Variants in ZDHHC21 observed in about 807,000 individuals in gnomAD.
ZDHHC21 encodes the protein palmitoyltransferase ZDHHC21.
In ZDHHC21, 15 loss-of-function variants were observed where a neutral mutation model predicts 34.6. The ratio of observed to expected loss-of-function variants is 0.43; its 90% CI spans 0.29 to 0.67. The LOEUF is 0.67. ZDHHC21 is among the 30% of genes least tolerant of loss of function. The probability of loss-of-function intolerance (pLI) is 0.14; values close to 1 mark genes in which losing one functional copy is unlikely to be tolerated. For synonymous variants in ZDHHC21, 142 were observed against 101.8 expected, an observed-to-expected ratio of 1.40 and a Z score of -2.38; for missense variants, 344 against 327.7, an observed-to-expected ratio of 1.05 and a Z score of -0.38.
chr9:14,664,412 G>C (rs1309574785), intron 5 of ZDHHC21, among the ~76,000 whole-genome samples: 2 of 150,520 alleles, frequency 1.3e-5, no homozygotes, highest in African/African-American at 4.9e-5. Context: ...CAAACTGCAA[G>C]GCGGCAGCCA....
the ZDHHC21 span, among the ~76,000 whole-genome samples, chr9:14,592,769 A>G: frequency 0.031 from 4,670 of 152,270 alleles, 134 homozygotes; most frequent in African/African-American, 0.073. Flanking sequence ...ATGCTAATCC[A>G]TAAAATAAAT....
At chr9:14,621,128 TA>T (rs1428259643) in intron 8 of ZDHHC21, among the ~76,000 whole-genome samples, 1 of 151,964 alleles carries the variant, frequency 6.6e-6, no homozygotes, top group African/African-American at 2.4e-5. Flanking sequence ...CCAAAGCAAT[TA>T]AAACAACTTA....
chr9:14,609,025 C>G (rs1270299951), downstream of ZDHHC21, among the ~76,000 whole-genome samples: 1 of 152,094 alleles, frequency 6.6e-6, no homozygotes, highest in African/African-American at 2.4e-5. Flanking sequence ...TCTCACTTAT[C>G]AGAGTCAATG....
At chr9:14,608,041 G>T (rs1823072484), downstream of ZDHHC21, among the ~76,000 whole-genome samples, 1 of 152,138 alleles carries the variant, frequency 6.6e-6, no homozygotes, top group South Asian at 2.1e-4. Flanking sequence ...CTCGCTAAAA[G>T]CCAGACATCA....
At chr9:14,670,478 C>T (rs2131494361) in intron 5 of ZDHHC21, among the ~76,000 whole-genome samples, 1 of 152,126 alleles carries the variant, frequency 6.6e-6, no homozygotes, top group South Asian at 2.1e-4. Context: ...GTTTGATGTA[C>T]CCATCATTTA....
Position 14,673,030 on chromosome 9 carries a change from C to T in ZDHHC21, c.155-102G>A, listed in dbSNP as rs959353644. 2.4e-5 allele frequency: 16 copies of T among 673,794 alleles called. No homozygotes were observed. In the Admixed American group the frequency reaches 4.7e-4, roughly 20 times the overall value. 41.7% of individuals were successfully genotyped at this position (673,794 alleles called of 1,614,324 possible). On this transcript the variant is annotated intron_variant, in intron 4 of 9. Coordinates refer to ENST00000380916, the MANE Select transcript of ZDHHC21 (RefSeq NM_178566.6). ...AAATGTATATTTTAACAAACACCAT[C>T]AGGAGAAAAAATTTCAAAAGATTAA...
chr9:14,647,801 G>C (rs1257227650), intron 7 of ZDHHC21, among the ~76,000 whole-genome samples: 1 of 152,024 alleles, frequency 6.6e-6, no homozygotes, highest in Non-Finnish European at 1.5e-5. Flanking sequence ...GCCTAGTTTG[G>C]TCTTCAGAAC....
At chr9:14,660,825 A>C (rs912731516) in intron 6 of ZDHHC21, among the ~76,000 whole-genome samples, 2 of 152,214 alleles carry the variant, frequency 1.3e-5, no homozygotes, top group African/African-American at 4.8e-5. Flanking sequence ...TTGAAAAAAA[A>C]AGCATCAATA....
chr9:14,589,694 A>G, the ZDHHC21 span: 1 of 152,222 alleles, frequency 6.6e-6, no homozygotes, highest in Non-Finnish European at 1.5e-5. Context: ...GAGACATTCA[A>G]ATTGAACACA....
intron 1 of ZDHHC21, among the ~76,000 whole-genome samples, chr9:14,692,492 T>G (rs1410911760): frequency 1.3e-5 from 2 of 152,160 alleles, no homozygotes; most frequent in Admixed American, 6.5e-5. Flanking sequence ...TGCAATATTT[T>G]AAAGTAATAA....
chr9:14,620,027 A>T (rs1825013918), intron 8 of ZDHHC21, among the ~76,000 whole-genome samples: 1 of 152,072 alleles, frequency 6.6e-6, no homozygotes, highest in Non-Finnish European at 1.5e-5. Context: ...GTCAGTGAAT[A>T]TGCATTAAAA....
the ZDHHC21 span, among the ~76,000 whole-genome samples, chr9:14,597,014 G>A: frequency 6.6e-6 from 1 of 152,136 alleles, no homozygotes; most frequent in Admixed American, 6.5e-5. Flanking sequence ...AGATCCCCCA[G>A]TACACTTTTC....
At chr9:14,591,871 T>G in the ZDHHC21 span, among the ~76,000 whole-genome samples, 1 of 152,160 alleles carries the variant, frequency 6.6e-6, no homozygotes, top group South Asian at 2.1e-4. Flanking sequence ...AAGGTAGCTA[T>G]TCTAGCTCTT....
intron 8 of ZDHHC21, chr9:14,622,773 G>T: frequency 4.1e-6 from 4 of 979,920 alleles, no homozygotes; most frequent in Non-Finnish European, 4.8e-6. Flanking sequence ...ATTGCCTCTG[G>T]ACCTGTTTAA....
chr9:14,687,430 G>C (rs1437009760), intron 2 of ZDHHC21, among the ~76,000 whole-genome samples: 2 of 150,780 alleles, frequency 1.3e-5, no homozygotes, highest in Non-Finnish European at 2.9e-5. Context: ...CAGCACTTTA[G>C]GAGGCCAAGG....
chr9:14,595,016 A>G, the ZDHHC21 span, among the ~76,000 whole-genome samples: 1 of 152,226 alleles, frequency 6.6e-6, no homozygotes, highest in African/African-American at 2.4e-5. Context: ...AATAAAAAAG[A>G]TAAGTTATTA....
chr9:14,664,193 T>C (rs1833940315), intron 5 of ZDHHC21, among the ~76,000 whole-genome samples: 1 of 146,636 alleles, frequency 6.8e-6, no homozygotes, highest in Non-Finnish European at 1.5e-5. Context: ...ATTGCCTCAC[T>C]CGGGAAGCGC....
intron 8 of ZDHHC21, among the ~76,000 whole-genome samples, chr9:14,633,227 A>G (rs987918223): frequency 1.3e-5 from 2 of 152,206 alleles, no homozygotes; most frequent in African/African-American, 4.8e-5. Flanking sequence ...CTGGAAATCA[A>G]CAGAGAAGTG....
chr9:14,639,047 G>A (rs2382494), intron 8 of ZDHHC21, among the ~76,000 whole-genome samples: 117,151 of 151,992 alleles, frequency 0.77, 45,825 homozygotes, highest in African/African-American at 0.91. Flanking sequence ...TCAAAGGGAT[G>A]CCTGCACTTG....
Sources: gnomAD v4.1 joint callset for allele counts (sites outside exome capture counted in the v4.1 genomes callset) on GRCh38, gnomAD v4.1.1 for gene constraint, MANE v1.5 for transcripts, NCBI Gene and HGNC (gene_info 2026-07-23, HGNC 2026-07-21) for gene names.